The following PAPPA2 variants were observed in gnomAD, a reference collection of about 807,000 sequenced individuals.
The protein encoded by PAPPA2 is pappalysin 2.
In PAPPA2, 86 loss-of-function variants were observed where a neutral mutation model predicts 176.4. The ratio of observed to expected loss-of-function variants is 0.49; its 90% confidence interval spans 0.41 to 0.58. PAPPA2 has a LOEUF of 0.58. Among genes scored for constraint, PAPPA2 ranks in the 20% least tolerant of loss-of-function variants. PAPPA2 has a pLI of 0.00. For missense variants in PAPPA2, 2,073 were observed against 2,256.9 expected, an observed-to-expected ratio of 0.92 and a Z score of 1.65; for synonymous variants, 809 against 852.2, an observed-to-expected ratio of 0.95 and a Z score of 0.88.
chr1:176,835,009 A>T (rs1667219520), intron 21 of PAPPA2, among the ~76,000 whole-genome samples: 1 of 152,090 alleles, frequency 6.6e-6, no homozygotes, highest in Non-Finnish European at 1.5e-5. Flanking sequence ...GTCCAGAGGA[A>T]TTGAGATTAT....
At chr1:176,832,356 C>T (rs182231556) in intron 21 of PAPPA2, among the ~76,000 whole-genome samples, 77 of 152,196 alleles carry the variant, frequency 5.1e-4, no homozygotes, top group Admixed American at 7.9e-4. Flanking sequence ...TAAAACCATA[C>T]GCTGTGCTCT....
At chr1:176,612,366 C>T (rs941269261) in intron 3 of PAPPA2, among the ~76,000 whole-genome samples, 1 of 151,962 alleles carries the variant, frequency 6.6e-6, no homozygotes, top group African/African-American at 2.4e-5. Context: ...TGCACTCCAG[C>T]CTGGGTGACG....
intron 1 of PAPPA2, among the ~76,000 whole-genome samples, chr1:176,503,194 C>T (rs1012184717): frequency 1.3e-5 from 2 of 152,018 alleles, no homozygotes; most frequent in African/African-American, 2.4e-5. Context: ...GCTTGTGAAC[C>T]TCATCCATCA....
intron 2 of PAPPA2, among the ~76,000 whole-genome samples, chr1:176,576,736 G>A (rs573557665): frequency 3.9e-5 from 6 of 152,256 alleles, no homozygotes; most frequent in Admixed American, 6.5e-5. Flanking sequence ...TTCAGGTGCC[G>A]TTTGAGACTT....
intron 3 of PAPPA2, among the ~76,000 whole-genome samples, chr1:176,638,315 G>T (rs887294265): frequency 2.0e-5 from 3 of 151,920 alleles, no homozygotes; most frequent in African/African-American, 7.3e-5. Context: ...ACAATTCTTT[G>T]GGTATTTCCT....
chr1:176,545,096 A>G (rs1650561448), intron 1 of PAPPA2, among the ~76,000 whole-genome samples: 1 of 152,128 alleles, frequency 6.6e-6, no homozygotes, highest in South Asian at 2.1e-4. Flanking sequence ...CTTAATCTCC[A>G]TCCCTTCTCC....
rs139804331 is a variant in PAPPA2 at position 176,658,454 on chromosome 1, G to A, written c.1992-12516G>A. On this transcript the variant is annotated intron_variant, in intron 3 of 22. Transcript: ENST00000367662. Reference sequence around the variant, plus strand: ...TCTAGAAGTAAGATCTTTATTGTTCGCAAATATTGCCAAAGCAGGCCTAAA... The same window carrying A: ...TCTAGAAGTAAGATCTTTATTGTTCACAAATATTGCCAAAGCAGGCCTAAA... Among the ~76,000 whole-genome samples the A allele has an allele frequency of 3.2e-4, 49 of 151,810 alleles. 1 individual carries two copies. The Middle Eastern group carries it at 0.01, about 32-fold the overall frequency.
chr1:176,552,872 A>G (rs929665816), intron 1 of PAPPA2, among the ~76,000 whole-genome samples: 2 of 152,238 alleles, frequency 1.3e-5, no homozygotes, highest in Non-Finnish European at 2.9e-5. Flanking sequence ...TGGAGATTTC[A>G]AAACAGATTC....
At chr1:176,726,831 C>T (rs925468947) in intron 12 of PAPPA2, among the ~76,000 whole-genome samples, 8 of 151,926 alleles carry the variant, frequency 5.3e-5, no homozygotes. Context: ...CATCTGTGAG[C>T]GAGAATGGAA....
At chr1:176,485,718 C>T (rs960183008) in intron 1 of PAPPA2, among the ~76,000 whole-genome samples, 9 of 151,876 alleles carry the variant, frequency 5.9e-5, no homozygotes, top group Admixed American at 2.0e-4. Flanking sequence ...ATATAGTAGG[C>T]GGGGGGAGGA....
intron 1 of PAPPA2, among the ~76,000 whole-genome samples, chr1:176,518,707 G>T (rs1399993555): frequency 6.6e-6 from 1 of 152,152 alleles, no homozygotes; most frequent in Non-Finnish European, 1.5e-5. Flanking sequence ...GTGTGTGGAA[G>T]TGTGCATGTA....
At chr1:176,711,039 T>A (rs1355778809) in intron 11 of PAPPA2, among the ~76,000 whole-genome samples, 1 of 152,152 alleles carries the variant, frequency 6.6e-6, no homozygotes, top group East Asian at 1.9e-4. Flanking sequence ...TCTTTCCCTT[T>A]TTATTGGGAA....
chr1:176,798,374 G>A (rs1665535138), intron 20 of PAPPA2, among the ~76,000 whole-genome samples: 1 of 152,178 alleles, frequency 6.6e-6, no homozygotes. Context: ...CCCATAGTGA[G>A]TGAGTGAGGT....
chr1:176,535,165 TG>T (rs2102557404), intron 1 of PAPPA2, among the ~76,000 whole-genome samples: 1 of 152,242 alleles, frequency 6.6e-6, no homozygotes, highest in Non-Finnish European at 1.5e-5. Flanking sequence ...GCGAAAAAAG[TG>T]TCCTCAGAAG....
intron 1 of PAPPA2, among the ~76,000 whole-genome samples, chr1:176,507,420 A>G (rs542256137): frequency 1.3e-5 from 2 of 152,284 alleles, no homozygotes; most frequent in East Asian, 3.9e-4. Context: ...ATTTGACCCA[A>G]CAATCTCATT....
chr1:176,758,942 A>T (rs76287260), intron 14 of PAPPA2, among the ~76,000 whole-genome samples: 4 of 152,170 alleles, frequency 2.6e-5, no homozygotes, highest in African/African-American at 7.2e-5. Context: ...CCATCATTTT[A>T]CTAATTTGCA....
At chr1:176,492,183 G>A (rs1019670497) in intron 1 of PAPPA2, among the ~76,000 whole-genome samples, 2 of 152,184 alleles carry the variant, frequency 1.3e-5, no homozygotes, top group Non-Finnish European at 2.9e-5. Context: ...GCCCAGTGCT[G>A]TATGTCTCCC....
chr1:176,789,377 G>A (rs912871175), intron 17 of PAPPA2, among the ~76,000 whole-genome samples: 3 of 149,122 alleles, frequency 2.0e-5, no homozygotes, highest in African/African-American at 7.4e-5. Flanking sequence ...ACAGGAAGGG[G>A]AACATCACAC....
At chr1:176,493,325 TAG>T (rs1647397873) in intron 1 of PAPPA2, among the ~76,000 whole-genome samples, 6 of 152,224 alleles carry the variant, frequency 3.9e-5, no homozygotes, top group Admixed American at 3.9e-4. Flanking sequence ...GTAATGCTCT[TAG>T]ACTGTTAGTT....
Sources: gnomAD v4.1 joint callset for allele counts (sites outside exome capture counted in the v4.1 genomes callset) on GRCh38, gnomAD v4.1.1 for gene constraint, MANE v1.5 for transcripts, NCBI Gene and HGNC (gene_info 2026-07-23, HGNC 2026-07-21) for gene names.